The following ATP6V0D2 variants were observed in gnomAD, a reference collection of about 807,000 sequenced individuals.
The protein encoded by ATP6V0D2 is V-type proton ATPase subunit d 2.
ATP6V0D2 carries 40 observed loss-of-function variants against 40.0 expected under a neutral mutation model. The ratio of observed to expected loss-of-function variants is 1.00; its 90% CI spans 0.78 to 1.30. ATP6V0D2 has a LOEUF of 1.30. Among genes scored for constraint, ATP6V0D2 ranks in the 50% most tolerant of loss-of-function variants. The probability of loss-of-function intolerance (pLI) is 0.00; values close to 1 mark genes in which losing one functional copy is unlikely to be tolerated. For synonymous variants in ATP6V0D2, 179 were observed against 156.3 expected (o/e 1.15, Z -1.08); for missense variants, 470 against 423.1 (o/e 1.11, Z -0.97).
chr8:86,113,343 A>G (rs758652216), intron 1 of ATP6V0D2, among the ~76,000 whole-genome samples: 22 of 152,034 alleles, frequency 1.4e-4, no homozygotes, highest in Non-Finnish European at 3.1e-4. Flanking sequence ...TTAGCCAGGT[A>G]TAGTGGCACA....
intron 6 of ATP6V0D2, 107 bp from the exon 7 acceptor site, chr8:86,151,359 A>T: frequency 1.2e-6 from 1 of 805,796 alleles, no homozygotes; most frequent in East Asian, 3.0e-5. Flanking sequence ...TCCTCCTGGT[A>T]TTTTTTTTTA....
chr8:86,111,109 G>A (rs2130235519), intron 1 of ATP6V0D2, among the ~76,000 whole-genome samples: 1 of 151,648 alleles, frequency 6.6e-6, no homozygotes, highest in Admixed American at 6.6e-5. Context: ...ACTGAGTTTT[G>A]TATCCTTTGA....
chr8:86,128,494 C>G (rs1238327680), intron 2 of ATP6V0D2, among the ~76,000 whole-genome samples: 1 of 152,214 alleles, frequency 6.6e-6, no homozygotes, highest in Non-Finnish European at 1.5e-5. Flanking sequence ...GGACAAAGTT[C>G]AGACTGAGTA....
chr8:86,099,207 T>C lies in ATP6V0D2; in HGVS notation c.130+99T>C, dbSNP rs553524559. The stretch of plus-strand genomic sequence containing the variant: ...AGAAAAAAAGCCCATAATCATATGG[T>C]TTGAGAGTTCTGAGCAGATCCTTAT... On this transcript the variant is annotated intron_variant, in intron 1 of 7. Transcript: ENST00000285393. The C allele has an allele frequency of 4.6e-5, 61 of 1,332,028 alleles. No individual in the cohort carries two copies. The African/African-American group carries it at 8.2e-4, about 18-fold the overall frequency. The allele number at this position is 1,332,028 out of a possible 1,614,324, so 82.5% of individuals were successfully genotyped here. A position where few individuals can be genotyped will look rare whatever the true frequency, so the allele number is the denominator to read the frequency against.
At chr8:86,106,129 A>AT (rs201003911) in intron 1 of ATP6V0D2, among the ~76,000 whole-genome samples, 263 of 148,256 alleles carry the variant, frequency 1.8e-3, no homozygotes, top group African/African-American at 6.3e-3. Flanking sequence ...TTTTATTTTT[A>AT]TTTTTTTATT....
intron 1 of ATP6V0D2, among the ~76,000 whole-genome samples, chr8:86,105,621 CTT>C (rs757847208): frequency 3.0e-5 from 4 of 133,298 alleles, no homozygotes; most frequent in Admixed American, 7.9e-5. Flanking sequence ...TTTTTCTTTT[CTT>C]TTTTTTTTTT....
At position 86,115,772 on chromosome 8, in the gene ATP6V0D2, G is replaced by T. The variant is rs545418612; in HGVS notation, c.302+1892G>T. 5.9e-5 allele frequency among the ~76,000 whole-genome samples: 9 copies of T among 152,260 alleles called. 1 individual carries two copies. In the South Asian group the frequency reaches 1.9e-3, roughly 32 times the overall value. On this transcript the variant is annotated intron_variant, in intron 2 of 7. Transcript: ENST00000285393. The stretch of plus-strand genomic sequence containing the variant: ...AATATCCAAATATACTTGCTGAGCT[G>T]AACAAAGTTAAGTGGACCTTAACTT...
intron 5 of ATP6V0D2, among the ~76,000 whole-genome samples, chr8:86,144,566 A>T (rs1819020612): frequency 1.3e-5 from 2 of 152,216 alleles, no homozygotes; most frequent in African/African-American, 4.8e-5. Flanking sequence ...ACATCTAATC[A>T]TTAAAATTTT....
chr8:86,133,678 A>T (rs1818859516), intron 2 of ATP6V0D2, among the ~76,000 whole-genome samples: 1 of 151,866 alleles, frequency 6.6e-6, no homozygotes. Context: ...CCATGGGAAA[A>T]ACTGCAACCC....
intron 2 of ATP6V0D2, among the ~76,000 whole-genome samples, chr8:86,127,330 T>A (rs1818758218): frequency 6.6e-6 from 1 of 152,224 alleles, no homozygotes; most frequent in South Asian, 2.1e-4. Context: ...ATTCATACAT[T>A]GAAAAAGTGT....
At chr8:86,105,750 G>C (rs780083159) in intron 1 of ATP6V0D2, among the ~76,000 whole-genome samples, 5 of 151,138 alleles carry the variant, frequency 3.3e-5, no homozygotes, top group Non-Finnish European at 7.4e-5. Context: ...GAGTAGCTGG[G>C]ACTACAGGCA....
intron 2 of ATP6V0D2, among the ~76,000 whole-genome samples, chr8:86,126,053 T>C (rs1354042322): frequency 1.3e-5 from 2 of 149,950 alleles, no homozygotes. Flanking sequence ...TTCTCCTGCC[T>C]CAGCCTCCTG....
At chr8:86,137,465 C>T (rs190230001) in intron 2 of ATP6V0D2, among the ~76,000 whole-genome samples, 1 of 152,294 alleles carries the variant, frequency 6.6e-6, no homozygotes, top group East Asian at 1.9e-4. Flanking sequence ...ATCCTACTTA[C>T]TCCCAAGACT....
At chr8:86,113,256 A>C (rs1349663144) in intron 1 of ATP6V0D2, among the ~76,000 whole-genome samples, 3 of 152,014 alleles carry the variant, frequency 2.0e-5, no homozygotes, top group African/African-American at 7.2e-5. Flanking sequence ...AGGTGGACAG[A>C]TCACTTGAGG....
intron 5 of ATP6V0D2, among the ~76,000 whole-genome samples, chr8:86,147,008 GA>G (rs34426656): frequency 6.6e-6 from 1 of 151,124 alleles, no homozygotes; most frequent in South Asian, 2.1e-4. Context: ...AACTTCATAT[GA>G]AAAAAAAAGA....
chr8:86,105,392 G>A (rs1438912078), intron 1 of ATP6V0D2, among the ~76,000 whole-genome samples: 3 of 151,784 alleles, frequency 2.0e-5, no homozygotes, highest in Non-Finnish European at 2.9e-5. Flanking sequence ...TACCTCTCCC[G>A]GACTTAAGCG....
intron 1 of ATP6V0D2, among the ~76,000 whole-genome samples, chr8:86,105,001 A>G (rs1309438712): frequency 6.6e-6 from 1 of 152,044 alleles, no homozygotes; most frequent in African/African-American, 2.4e-5. Context: ...CACAAATTCC[A>G]TCCCTTATCC....
chr8:86,151,026 C>A (rs546108210), intron 6 of ATP6V0D2, among the ~76,000 whole-genome samples: 22 of 152,302 alleles, frequency 1.4e-4, no homozygotes, highest in Non-Finnish European at 2.2e-4. Context: ...GCGTGAGACT[C>A]TTTAGCGTAA....
At chr8:86,143,643 C>G (rs1291197135) in intron 5 of ATP6V0D2, among the ~76,000 whole-genome samples, 1 of 152,164 alleles carries the variant, frequency 6.6e-6, no homozygotes, top group African/African-American at 2.4e-5. Context: ...GTTTAGCCAG[C>G]TTCTTTACTG....
Sources: allele counts gnomAD v4.1 joint callset (sites outside exome capture counted in the v4.1 genomes callset), GRCh38; gene constraint gnomAD v4.1.1; transcripts MANE v1.5; gene names NCBI Gene and HGNC (gene_info 2026-07-23, HGNC 2026-07-21).